Variants in KCNIP4 observed in about 807,000 individuals in gnomAD.
KCNIP4 encodes Kv channel-interacting protein 4.
Under a neutral mutation model 34.0 loss-of-function variants are expected in KCNIP4, and 12 were observed. The observed-to-expected ratio is 0.35, with a 90% CI of 0.23 to 0.57. The LOEUF is 0.57. Ranked by LOEUF, KCNIP4 falls within the 20% of genes least tolerant of loss-of-function variation. The pLI, the probability that KCNIP4 is intolerant of heterozygous loss-of-function variation, is 0.83. For missense variants in KCNIP4, 238 were observed against 311.7 expected, an observed-to-expected ratio of 0.76 and a Z score of 1.78; for synonymous variants, 124 against 102.2, an observed-to-expected ratio of 1.21 and a Z score of -1.29.
In KCNIP4 at chr4:21,847,594, G is replaced by A. The variant is rs528072507; in HGVS notation, c.61+100977C>T. 2.4e-4 allele frequency: 36 copies of A among 152,206 alleles called. 1 individual carries two copies. Among genetic ancestry groups the A allele is most frequent in the African/African-American group, 7.9e-4 (33 of 41,548 alleles). 9.4% of individuals were successfully genotyped at this position (152,206 alleles called of 1,614,324 possible). ...CGCAGAAGTACTTCATATGTGTAAC[G>A]AAAATACTTAGCAATATTATCTGTA... On this transcript the variant is annotated intron_variant, in intron 1 of 8. Transcript: ENST00000382152.
intron 5 of KCNIP4, among the ~76,000 whole-genome samples, chr4:20,744,251 A>T (rs1247878158): frequency 6.6e-6 from 1 of 152,214 alleles, no homozygotes; most frequent in Non-Finnish European, 1.5e-5. Flanking sequence ...CAGCAATCCC[A>T]TTACTGGGTA....
chr4:21,140,831 T>C (rs1209440720), intron 1 of KCNIP4, among the ~76,000 whole-genome samples: 1 of 152,198 alleles, frequency 6.6e-6, no homozygotes, highest in African/African-American at 2.4e-5. Flanking sequence ...CCATCTGCTA[T>C]TGATCACCTT....
At chr4:21,853,342 C>T (rs1281783251) in intron 1 of KCNIP4, among the ~76,000 whole-genome samples, 1 of 152,154 alleles carries the variant, frequency 6.6e-6, no homozygotes, top group Non-Finnish European at 1.5e-5. Context: ...AAACACCGGT[C>T]TGGGAAATGA....
At chr4:21,397,732 T>C (rs1723125429) in intron 1 of KCNIP4, among the ~76,000 whole-genome samples, 1 of 152,218 alleles carries the variant, frequency 6.6e-6, no homozygotes, top group East Asian at 1.9e-4. Flanking sequence ...AATATGGCAA[T>C]AGACCATTGA....
intron 3 of KCNIP4, among the ~76,000 whole-genome samples, chr4:20,810,749 A>G (rs1362882764): frequency 6.6e-6 from 1 of 152,220 alleles, no homozygotes; most frequent in Non-Finnish European, 1.5e-5. Context: ...GTCTTTTGTC[A>G]CAGAAATAGC....
At chr4:21,783,181 T>C (rs1369905722) in intron 1 of KCNIP4, among the ~76,000 whole-genome samples, 2 of 152,218 alleles carry the variant, frequency 1.3e-5, no homozygotes, top group Non-Finnish European at 2.9e-5. Context: ...TTGATTTTTG[T>C]GCTTTAGTTA....
intron 1 of KCNIP4, among the ~76,000 whole-genome samples, chr4:21,793,246 G>A (rs1720411000): frequency 6.6e-6 from 1 of 152,098 alleles, no homozygotes; most frequent in Admixed American, 6.6e-5. Flanking sequence ...GACACGTTCT[G>A]GACAAGTAGT....
chr4:21,048,399 C>T (rs1156380432), intron 1 of KCNIP4, among the ~76,000 whole-genome samples: 4 of 152,136 alleles, frequency 2.6e-5, no homozygotes, highest in Non-Finnish European at 5.9e-5. Context: ...CTGACCAGAA[C>T]TTGTCACGTG....
intron 1 of KCNIP4, among the ~76,000 whole-genome samples, chr4:21,083,307 A>C (rs999954765): frequency 2.0e-5 from 3 of 151,718 alleles, no homozygotes; most frequent in African/African-American, 4.9e-5. Context: ...CCTCCTCAGA[A>C]AATGACTAGA....
chr4:21,714,786 ATTAT>A (rs201864370), intron 1 of KCNIP4, among the ~76,000 whole-genome samples: 704 of 46,208 alleles, frequency 0.015, 42 homozygotes, highest in Middle Eastern at 0.032. Context: ...TTTCCCTTTG[ATTAT>A]TTTATTTTAT....
chr4:21,590,796 G>C (rs1341651251), intron 1 of KCNIP4, among the ~76,000 whole-genome samples: 1 of 151,900 alleles, frequency 6.6e-6, no homozygotes, highest in East Asian at 1.9e-4. Flanking sequence ...TTGGACCAGT[G>C]TATCAGTAAG....
intron 1 of KCNIP4, among the ~76,000 whole-genome samples, chr4:21,710,029 G>A (rs1353170694): frequency 6.6e-6 from 1 of 152,176 alleles, no homozygotes; most frequent in Non-Finnish European, 1.5e-5. Context: ...GGCATGCCCT[G>A]CTGGAAAAGG....
intron 1 of KCNIP4, among the ~76,000 whole-genome samples, chr4:21,754,643 A>T (rs1205733372): frequency 1.3e-5 from 2 of 152,170 alleles, no homozygotes; most frequent in Non-Finnish European, 2.9e-5. Flanking sequence ...ATTACTCTAA[A>T]TTGTCCCACT....
At chr4:21,638,040 A>G (rs1244872543) in intron 1 of KCNIP4, among the ~76,000 whole-genome samples, 1 of 152,132 alleles carries the variant, frequency 6.6e-6, no homozygotes, top group African/African-American at 2.4e-5. Context: ...CTCTCATCCA[A>G]TTCCTAAAAG....
chr4:21,504,679 T>C (rs939605864), intron 1 of KCNIP4, among the ~76,000 whole-genome samples: 15 of 152,260 alleles, frequency 9.9e-5, no homozygotes, highest in African/African-American at 3.4e-4. Context: ...TGAACCTTTC[T>C]AGCTTCTCAA....
intron 1 of KCNIP4, among the ~76,000 whole-genome samples, chr4:21,153,289 C>T (rs538938175): frequency 6.6e-6 from 1 of 151,898 alleles, no homozygotes; most frequent in African/African-American, 2.4e-5. Flanking sequence ...TTTCCTGAAA[C>T]CTTGCCAGCT....
At chr4:20,774,489 T>G (rs1452359964) in intron 3 of KCNIP4, among the ~76,000 whole-genome samples, 7 of 152,178 alleles carry the variant, frequency 4.6e-5, no homozygotes, top group Non-Finnish European at 1.0e-4. Context: ...TGAAAGCATA[T>G]TATATGTCAG....
chr4:21,602,332 A>G (rs1743248496), intron 1 of KCNIP4, among the ~76,000 whole-genome samples: 1 of 152,152 alleles, frequency 6.6e-6, no homozygotes, highest in African/African-American at 2.4e-5. Flanking sequence ...TAAAGGATGA[A>G]TCTTATTCAT....
chr4:21,799,018 A>G (rs1720824632), intron 1 of KCNIP4, among the ~76,000 whole-genome samples: 1 of 151,948 alleles, frequency 6.6e-6, no homozygotes, highest in Non-Finnish European at 1.5e-5. Flanking sequence ...TTTTTACATA[A>G]CAGTCCATCC....
Sources: gnomAD v4.1 joint callset for allele counts (sites outside exome capture counted in the v4.1 genomes callset) on GRCh38, gnomAD v4.1.1 for gene constraint, MANE v1.5 for transcripts, NCBI Gene and HGNC (gene_info 2026-07-23, HGNC 2026-07-21) for gene names.